Variants in ADRA1D observed in about 807,000 individuals in gnomAD.
The protein encoded by ADRA1D is alpha-1D adrenergic receptor.
A neutral mutation model predicts 18.6 loss-of-function variants in ADRA1D; 22 were observed. That is an observed-to-expected ratio of 1.19 (90% CI 0.85 to 1.69). ADRA1D has a LOEUF of 1.69. Among genes scored for constraint, ADRA1D ranks in the 40% most tolerant of loss-of-function variants. The pLI, the probability that ADRA1D is intolerant of heterozygous loss-of-function variation, is 0.00. For missense variants in ADRA1D, 840 were observed against 840.7 expected (o/e 1.00, Z 0.01); for synonymous variants, 376 against 388.2 (o/e 0.97, Z 0.37).
intron 1 of ADRA1D, among the ~76,000 whole-genome samples, chr20:4,236,030 G>A (rs557544296): frequency 1.4e-4 from 22 of 152,350 alleles, no homozygotes; most frequent in Admixed American, 9.1e-4. Context: ...TGAGCCTGGG[G>A]GATGTGTGTA....
At chr20:4,247,220 A>C (rs1398494434) in intron 1 of ADRA1D, among the ~76,000 whole-genome samples, 1 of 152,102 alleles carries the variant, frequency 6.6e-6, no homozygotes, top group African/African-American at 2.4e-5. Flanking sequence ...AACAATATGA[A>C]CTTTCCATTT....
In ADRA1D at chr20:4,222,129, G is replaced by A. The variant is rs372972092; in HGVS notation, c.1113C>T (p.Gly371=). ...WFPFFFVLPL[G]SLFPQLKPSE... The stretch of plus-strand genomic sequence containing the variant: ...ATGGCTTCAGCTGCGGGAACAAGGA[G>A]CCTGTAGGGAGCAGAGACCGATACT... Residue 371 remains glycine, a splice_region_variant and synonymous_variant, in exon 2 of 2, where the codon GGC becomes GGT. Coordinates refer to ENST00000379453, the MANE Select transcript of ADRA1D (RefSeq NM_000678.4). This position sits in a 1 kb window ranked among gnomAD's most constrained non-coding sequence, Gnocchi z 4.3. 135 of 1,612,042 alleles carry A rather than the reference G, an allele frequency of 8.4e-5. No individual in the cohort carries two copies. Among genetic ancestry groups the A allele is most frequent in the Admixed American group, 4.8e-4 (29 of 59,930 alleles).
At chr20:4,228,849 T>G (rs1980882911) in intron 1 of ADRA1D, among the ~76,000 whole-genome samples, 1 of 152,214 alleles carries the variant, frequency 6.6e-6, no homozygotes. Context: ...TTACAGCTGC[T>G]GCCCCTTTGC....
chr20:4,237,897 G>A lies in ADRA1D; in HGVS notation c.1111+9950C>T, dbSNP rs566024915. Among the ~76,000 whole-genome samples the A allele has an allele frequency of 2.1e-3, 313 of 148,982 alleles. 1 individual carries two copies. Among genetic ancestry groups the A allele is most frequent in the Middle Eastern group, 3.4e-3 (1 of 292 alleles). On this transcript the variant is annotated intron_variant, in intron 1 of 1. Transcript: ENST00000379453. ...GGGTTTCACCATGTTGGCTAGGCTG[G>A]TCTCGAAATCCTGACCCAAGCCACC...
chr20:4,234,602 C>T (rs1981046214), intron 1 of ADRA1D, among the ~76,000 whole-genome samples: 1 of 152,232 alleles, frequency 6.6e-6, no homozygotes, highest in Non-Finnish European at 1.5e-5. Context: ...TTCCCAGCCC[C>T]AGACTCCCTT....
chr20:4,226,125 A>C (rs1314110315), intron 1 of ADRA1D, among the ~76,000 whole-genome samples: 2 of 152,234 alleles, frequency 1.3e-5, no homozygotes, highest in Non-Finnish European at 2.9e-5. Context: ...TTGTTATTGC[A>C]TGGTTTTTAT....
intron 1 of ADRA1D, among the ~76,000 whole-genome samples, chr20:4,227,706 CCTTCCTT>C (rs1169312948): frequency 1.1e-3 from 41 of 36,024 alleles, no homozygotes; most frequent in East Asian, 4.7e-3. Flanking sequence ...CTCCCTCCCT[CCTTCCTT>C]CCTTCCTTCC....
intron 1 of ADRA1D, 50 bp downstream of exon 1, chr20:4,247,797 C>A: frequency 6.9e-7 from 1 of 1,446,452 alleles, no homozygotes; most frequent in South Asian, 1.5e-5. Context: ...GAGGGCACCG[C>A]CATAGGCTCA....
chr20:4,231,120 T>C (rs74480421), intron 1 of ADRA1D, among the ~76,000 whole-genome samples: 1 of 147,150 alleles, frequency 6.8e-6, no homozygotes, highest in Non-Finnish European at 1.5e-5. Context: ...TCTCTTTCTG[T>C]TTTTAGAGAC....
intron 1 of ADRA1D, among the ~76,000 whole-genome samples, chr20:4,247,157 G>A (rs981425701): frequency 6.6e-6 from 1 of 152,236 alleles, no homozygotes; most frequent in African/African-American, 2.4e-5. Context: ...GAAAGAAGCA[G>A]GAAAGTTCCT....
At chr20:4,227,932 TCC>T (rs35164262) in intron 1 of ADRA1D, among the ~76,000 whole-genome samples, 34,075 of 151,946 alleles carry the variant, frequency 0.22, 4,306 homozygotes, top group South Asian at 0.35. Context: ...TAAGCGGCCT[TCC>T]TGCTCCTGCC....
Position 4,222,126 on chromosome 20 carries a change from G to C in ADRA1D, c.1116C>G (p.Ser372=). The C allele has an allele frequency of 6.2e-7, 1 of 1,612,364 alleles. No homozygotes were observed. The highest frequency in any genetic ancestry group is 8.5e-7 in the Non-Finnish European group (1 of 1,179,346). ...CCGATGGCTTCAGCTGCGGGAACAA[G>C]GAGCCTGTAGGGAGCAGAGACCGAT... ...FPFFFVLPLG[S]LFPQLKPSEG... Residue 372 remains serine (S), a synonymous_variant, in exon 2 of 2, where the codon TCC becomes TCG. Coordinates refer to ENST00000379453, the MANE Select transcript of ADRA1D (RefSeq NM_000678.4). This position sits in a 1 kb window ranked among gnomAD's most constrained non-coding sequence, Gnocchi z 4.3.
chr20:4,236,280 C>A (rs77766283), intron 1 of ADRA1D, among the ~76,000 whole-genome samples: 2,137 of 152,288 alleles, frequency 0.014, 38 homozygotes, highest in African/African-American at 0.049. Context: ...ATAGCATCTA[C>A]CTCATAGGAC....
In ADRA1D at chr20:4,248,849, G is replaced by T. The variant is rs552895124; in HGVS notation, c.109C>A (p.Pro37Thr). ...GGGGSAGGAA[P>T]SEGPAVGGVP... ...CCGCCCACCGCCGGGCCCTCCGAGG[G>T]GGCCGCGCCGCCCGCGCTGCCCCCG... is the stretch of plus-strand genomic sequence containing the variant. The change falls in exon 1 of 2, where the codon CCC (proline) becomes ACC (threonine). Residue 37 changes from proline (P) to threonine (T), a missense_variant. Pro to Thr is a conservative substitution (Grantham distance 38, BLOSUM62 -1). Coordinates refer to ENST00000379453, the MANE Select transcript of ADRA1D (RefSeq NM_000678.4). 202 of 1,013,270 alleles carry T rather than the reference G, an allele frequency of 2.0e-4. 1 individual carries two copies. In the African/African-American group the frequency reaches 3.3e-3, roughly 16 times the overall value. The allele number at this position is 1,013,270 out of a possible 1,614,324, so 62.8% of individuals were successfully genotyped here.
At position 4,239,844 on chromosome 20, in the gene ADRA1D, C is replaced by G. The variant is rs1441546233; in HGVS notation, c.1111+8003G>C. On this transcript the variant is annotated intron_variant, in intron 1 of 1. Coordinates refer to ENST00000379453, the MANE Select transcript of ADRA1D (RefSeq NM_000678.4). This position sits in a 1 kb window ranked among gnomAD's most constrained non-coding sequence, Gnocchi z 4.9. ...CTTCCCTGCCTTTGCTGTACAGATT[C>G]TATTTAACCAAACAGCTAGTGGTGA... Among the ~76,000 whole-genome samples the G allele has an allele frequency of 1.3e-5, 2 of 152,198 alleles. No individual in the cohort carries two copies. Among genetic ancestry groups the G allele is most frequent in the East Asian group, 3.8e-4 (2 of 5,198 alleles).
chr20:4,232,845 G>C (rs6076636), intron 1 of ADRA1D, among the ~76,000 whole-genome samples: 26,737 of 152,170 alleles, frequency 0.18, 2,444 homozygotes, highest in East Asian at 0.28. Flanking sequence ...GATAGAGAAG[G>C]CCGGCCCCCT....
intron 1 of ADRA1D, among the ~76,000 whole-genome samples, chr20:4,247,519 C>T (rs538312439): frequency 5.1e-4 from 77 of 152,320 alleles, no homozygotes; most frequent in African/African-American, 1.8e-3. Context: ...GGGACACATA[C>T]ACTGCCGACC....
intron 1 of ADRA1D, among the ~76,000 whole-genome samples, chr20:4,228,380 A>G (rs909362660): frequency 2.0e-5 from 3 of 152,194 alleles, no homozygotes; most frequent in African/African-American, 4.8e-5. Context: ...CAGGTAGACA[A>G]TGATGGAAGT....
Position 4,239,492 on chromosome 20 carries a change from T to C in ADRA1D, c.1111+8355A>G, listed in dbSNP as rs952547137. Among the ~76,000 whole-genome samples the C allele has an allele frequency of 3.3e-5, 5 of 152,232 alleles. No individual in the cohort carries two copies. Among genetic ancestry groups the C allele is most frequent in the African/African-American group, 1.2e-4 (5 of 41,466 alleles). On this transcript the variant is annotated intron_variant, in intron 1 of 1. Coordinates refer to ENST00000379453, the MANE Select transcript of ADRA1D (RefSeq NM_000678.4). The surrounding 1 kb of genome is among the most constrained non-coding windows in gnomAD (Gnocchi z 4.9). ...CAATGAACAGCTCAGTCATCTTCCATTGAAACAGACTAGGGCTCTTTAGGG... is the reference window on the plus strand; with the variant it reads ...CAATGAACAGCTCAGTCATCTTCCACTGAAACAGACTAGGGCTCTTTAGGG...
Sources: gnomAD v4.1 joint callset for allele counts (sites outside exome capture counted in the v4.1 genomes callset) on GRCh38, gnomAD v4.1.1 for gene constraint, Gnocchi (gnomAD v3.1) non-coding constraint, MANE v1.5 for transcripts, NCBI Gene and HGNC (gene_info 2026-07-23, HGNC 2026-07-21) for gene names.